UAP1: variants seen among roughly 807,000 people sequenced by gnomAD.
UAP1 encodes the protein UDP-N-acetylhexosamine pyrophosphorylase.
In UAP1, 25 loss-of-function variants were observed where a neutral mutation model predicts 58.5. That is an observed-to-expected ratio of 0.43 (90% CI 0.31 to 0.60). The LOEUF (loss-of-function observed/expected upper bound fraction) is 0.60, where lower values mean the gene tolerates loss of function less well. Among genes scored for constraint, UAP1 ranks in the 20% least tolerant of loss-of-function variants. UAP1 has a pLI of 0.11. For missense variants in UAP1, 575 were observed against 630.0 expected, an observed-to-expected ratio of 0.91 and a Z score of 0.93; for synonymous variants, 208 against 213.0, an observed-to-expected ratio of 0.98 and a Z score of 0.21.
chr1:162,569,876 A>G (rs973295240), intron 2 of UAP1, among the ~76,000 whole-genome samples: 2 of 152,090 alleles, frequency 1.3e-5, no homozygotes, highest in Non-Finnish European at 2.9e-5. Flanking sequence ...ACAGCCGGGC[A>G]TGGTGGCTCA....
intron 1 of UAP1, among the ~76,000 whole-genome samples, chr1:162,562,728 T>C (rs534762474): frequency 2.0e-5 from 3 of 152,310 alleles, no homozygotes; most frequent in Admixed American, 1.3e-4. Context: ...GTCAGTTGGC[T>C]CACTTAGCTG....
intron 8 of UAP1, among the ~76,000 whole-genome samples, chr1:162,591,531 G>C (rs1277742665): frequency 6.6e-6 from 1 of 152,146 alleles, no homozygotes; most frequent in Non-Finnish European, 1.5e-5. Context: ...TGTCACCCAG[G>C]CTGGAGTGCA....
rs1285320208 is a variant in UAP1 at position 162,569,826 on chromosome 1, A to G, written c.280+3478A>G. 2.0e-5 allele frequency among the ~76,000 whole-genome samples: 3 copies of G among 152,152 alleles called. No homozygotes were observed. In the South Asian group the frequency reaches 6.2e-4, roughly 32 times the overall value. On this transcript the variant is annotated intron_variant, in intron 2 of 10. Transcript: ENST00000271469. ...CTCTACATTTTTTGAAATCTAGGGT[A>G]CTGATGTTTTTAATAGATTTGTTTT... is the stretch of plus-strand genomic sequence containing the variant.
At chr1:162,596,735 CT>C (rs1655643294) in intron 9 of UAP1, among the ~76,000 whole-genome samples, 1 of 152,138 alleles carries the variant, frequency 6.6e-6, no homozygotes, top group Non-Finnish European at 1.5e-5. Context: ...CAGAAGCCCT[CT>C]GATTTTTATT....
intron 5 of UAP1, 96 bp downstream of exon 5, chr1:162,581,555 A>G: frequency 3.1e-6 from 4 of 1,284,198 alleles, no homozygotes; most frequent in South Asian, 1.6e-5. Context: ...GGTGATTTGA[A>G]TATTTTAGAA....
At chr1:162,589,182 A>G (rs1322971952) in intron 7 of UAP1, among the ~76,000 whole-genome samples, 1 of 91,484 alleles carries the variant, frequency 1.1e-5, no homozygotes, top group African/African-American at 4.2e-5. Flanking sequence ...AATATTATAT[A>G]TAATATATAT....
chr1:162,569,887 T>C (rs1380774149), intron 2 of UAP1, among the ~76,000 whole-genome samples: 9 of 152,174 alleles, frequency 5.9e-5, no homozygotes, highest in Admixed American at 4.6e-4. Flanking sequence ...TGGTGGCTCA[T>C]GCCTGTAATC....
intron 3 of UAP1, among the ~76,000 whole-genome samples, chr1:162,577,911 T>C (rs190368627): frequency 6.7e-4 from 101 of 150,652 alleles, no homozygotes; most frequent in African/African-American, 2.4e-3. Flanking sequence ...CACCCGGCTA[T>C]TTTTTTTTGT....
exon 8 of UAP1, chr1:162,590,471 T>C: frequency 6.2e-7 from 1 of 1,607,412 alleles, no homozygotes. Flanking sequence ...AGGGGGCCAT[T>C]TCATAGATGA....
chr1:162,570,589 T>C (rs1307373887), intron 2 of UAP1, among the ~76,000 whole-genome samples: 1 of 152,214 alleles, frequency 6.6e-6, no homozygotes, highest in African/African-American at 2.4e-5. Flanking sequence ...CACATGCCAT[T>C]ATTATACCTA....
intron 3 of UAP1, among the ~76,000 whole-genome samples, chr1:162,578,374 A>G (rs986144967): frequency 1.3e-5 from 2 of 152,126 alleles, no homozygotes; most frequent in Admixed American, 6.5e-5. Context: ...CTTACAATCT[A>G]TTTTGCCTCT....
At position 162,567,462 on chromosome 1, in the gene UAP1, T is replaced by G. The variant is rs58984758; in HGVS notation, c.280+1114T>G. Among the ~76,000 whole-genome samples the G allele has an allele frequency of 2.0e-3, 299 of 152,330 alleles. 5 individuals carry two copies. The East Asian group carries it at 0.048, about 25-fold the overall frequency. On this transcript the variant is annotated intron_variant, in intron 2 of 10. Transcript: ENST00000271469. ...AAAATCTTTCCCCTTAACCTAATAC[T>G]AATTTGTGCTTTTGAGAATGGCAAA...
chr1:162,577,037 C>G lies in UAP1; in HGVS notation c.485+56C>G, dbSNP rs563691779. 2.0e-6 allele frequency: 3 copies of G among 1,513,840 alleles called. No homozygotes were observed. The South Asian group carries it at 3.5e-5, about 17-fold the overall frequency. The allele number at this position is 1,513,840 out of a possible 1,614,324, so 93.8% of individuals were successfully genotyped here. On this transcript the variant is annotated intron_variant, in intron 3 of 10. Transcript: ENST00000271469. ...TGAACATATATTGTTTTATAATATT[C>G]AAAATGCATATATACTTTATGCACT...
At chr1:162,577,436 T>C (rs972803388) in intron 3 of UAP1, among the ~76,000 whole-genome samples, 9 of 69,170 alleles carry the variant, frequency 1.3e-4, no homozygotes, top group East Asian at 1.1e-3. Flanking sequence ...GTTCCTTCCC[T>C]TTTTTTTTTT....
At chr1:162,591,477 GTTTT>G (rs1381909214) in intron 8 of UAP1, among the ~76,000 whole-genome samples, 2 of 151,938 alleles carry the variant, frequency 1.3e-5, no homozygotes, top group African/African-American at 4.8e-5. Flanking sequence ...AGCTAAATCT[GTTTT>G]TTTGTTTGTT....
exon 3 of UAP1, chr1:162,576,903 T>C (rs749735825): frequency 1.2e-6 from 2 of 1,614,174 alleles, no homozygotes; most frequent in South Asian, 1.1e-5. Flanking sequence ...AAGACACTTT[T>C]TCAGATTCAA....
At chr1:162,563,332 A>G (rs1653281357) in intron 1 of UAP1, among the ~76,000 whole-genome samples, 2 of 152,090 alleles carry the variant, frequency 1.3e-5, no homozygotes, top group Non-Finnish European at 2.9e-5. Flanking sequence ...ACGCCCAGAT[A>G]TCAAAGTTTA....
exon 2 of UAP1, chr1:162,566,108 G>A: frequency 1.2e-6 from 2 of 1,612,700 alleles, no homozygotes; most frequent in Middle Eastern, 2.0e-4. Flanking sequence ...GTCCAAAGCT[G>A]GGCAAGAGCA....
At chr1:162,599,821 ATCT>A (rs1449040868) in exon 11 of UAP1, 2 of 152,422 alleles carry the variant, frequency 1.3e-5, no homozygotes, top group African/African-American at 2.4e-5. Flanking sequence ...AAATAAATGT[ATCT>A]TCTTGTCTCT....
Sources: allele counts gnomAD v4.1 joint callset (sites outside exome capture counted in the v4.1 genomes callset), GRCh38; gene constraint gnomAD v4.1.1; transcripts MANE v1.5; gene names NCBI Gene and HGNC (gene_info 2026-07-23, HGNC 2026-07-21).